The following PACRG variants were observed in gnomAD, a reference collection of about 807,000 sequenced individuals.
PACRG encodes the protein parkin coregulated gene protein.
In PACRG, 29 loss-of-function variants were observed where a neutral mutation model predicts 29.7. The ratio of observed to expected loss-of-function variants is 0.98; its 90% CI spans 0.73 to 1.33. The LOEUF is 1.33. Among genes scored for constraint, PACRG ranks in the 40% most tolerant of loss-of-function variants. PACRG has a pLI of 0.00. For synonymous variants in PACRG, 116 were observed against 118.7 expected (o/e 0.98, Z 0.15); for missense variants, 279 against 316.2 (o/e 0.88, Z 0.89).
intron 2 of PACRG, among the ~76,000 whole-genome samples, chr6:162,907,705 T>C (rs1796026376): frequency 6.6e-6 from 1 of 152,156 alleles, no homozygotes; most frequent in Admixed American, 6.5e-5. Context: ...ATTTTATATA[T>C]ATTATTTCTT....
Position 163,179,168 on chromosome 6 carries a change from G to A in PACRG, c.613+89760G>A, listed in dbSNP as rs1162608818. The A allele has an allele frequency of 3.1e-5, 14 of 455,774 alleles. No individual in the cohort carries two copies. The Admixed American group carries it at 3.3e-4, about 11-fold the overall frequency. The allele number at this position is 455,774 out of a possible 1,614,324, so 28.2% of individuals were successfully genotyped here. Reference sequence around the variant, plus strand: ...TTATAGTGGAAAGCTTTGTAGCTTGGCTCACACTGATGTCCGCTGCTCCTC... The same window carrying A: ...TTATAGTGGAAAGCTTTGTAGCTTGACTCACACTGATGTCCGCTGCTCCTC... On this transcript the variant is annotated intron_variant, in intron 4 of 4. Coordinates refer to ENST00000366888, the MANE Select transcript of PACRG (RefSeq NM_001080379.2).
chr6:162,947,613 T>TATATATATATATATATATAATC (rs1799288548), intron 2 of PACRG, among the ~76,000 whole-genome samples: 36 of 14,892 alleles, frequency 2.4e-3, no homozygotes, highest in Middle Eastern at 0.056. Flanking sequence ...TATATAATCA[T>TATATATATATATATATATAATC]ATATATATAT....
upstream of PACRG, chr6:162,727,781 CCCCGCG>C (rs1481331591): frequency 8.6e-7 from 1 of 1,160,248 alleles, no homozygotes; most frequent in East Asian, 2.6e-5. Context: ...GCCTCCCCGC[CCCCGCG>C]CCCGGCCCTA....
At chr6:163,197,927 T>A (rs1245718755) in intron 4 of PACRG, among the ~76,000 whole-genome samples, 5 of 152,194 alleles carry the variant, frequency 3.3e-5, no homozygotes, top group Admixed American at 3.3e-4. Flanking sequence ...AAACAAAAAG[T>A]ACAAAAATTG....
At chr6:163,302,949 G>A (rs1461141402) in intron 4 of PACRG, among the ~76,000 whole-genome samples, 1 of 152,174 alleles carries the variant, frequency 6.6e-6, no homozygotes, top group Non-Finnish European at 1.5e-5. Context: ...GCACTGGGAT[G>A]GCTATGCAAA....
chr6:163,276,179 A>G (rs1784019781), intron 4 of PACRG, among the ~76,000 whole-genome samples: 1 of 151,874 alleles, frequency 6.6e-6, no homozygotes, highest in Non-Finnish European at 1.5e-5. Context: ...GGCGAGCGCT[A>G]CCATGCCTGG....
At chr6:162,897,019 A>G (rs960861595) in intron 2 of PACRG, among the ~76,000 whole-genome samples, 1 of 152,258 alleles carries the variant, frequency 6.6e-6, no homozygotes, top group Non-Finnish European at 1.5e-5. Flanking sequence ...ATCAATGAAT[A>G]TAATCTGATC....
intron 2 of PACRG, among the ~76,000 whole-genome samples, chr6:163,003,943 T>G (rs971110895): frequency 5.9e-5 from 9 of 152,202 alleles, no homozygotes; most frequent in Non-Finnish European, 1.2e-4. Context: ...GATCGCACTA[T>G]GCATGCTCTT....
At chr6:163,261,351 C>T (rs533873420) in intron 4 of PACRG, among the ~76,000 whole-genome samples, 21 of 152,174 alleles carry the variant, frequency 1.4e-4, no homozygotes, top group African/African-American at 4.8e-4. Flanking sequence ...CCTATCAACC[C>T]GTCATCTAGG....
chr6:162,923,063 A>G (rs541060117), intron 2 of PACRG, among the ~76,000 whole-genome samples: 1 of 152,280 alleles, frequency 6.6e-6, no homozygotes, highest in South Asian at 2.1e-4. Context: ...TATTGATGAT[A>G]GACATTCTAA....
intron 2 of PACRG, among the ~76,000 whole-genome samples, chr6:162,831,604 G>A (rs1055090164): frequency 1.3e-5 from 2 of 152,102 alleles, no homozygotes; most frequent in East Asian, 3.9e-4. Flanking sequence ...CCAGCACCTA[G>A]GAATTCAGCC....
intron 3 of PACRG, among the ~76,000 whole-genome samples, chr6:163,081,815 A>G (rs1040053444): frequency 3.9e-5 from 6 of 152,218 alleles, no homozygotes; most frequent in African/African-American, 9.7e-5. Context: ...TTTACCCACT[A>G]AACAAAATAA....
chr6:162,768,946 G>C (rs969786286), intron 1 of PACRG, among the ~76,000 whole-genome samples: 12 of 152,140 alleles, frequency 7.9e-5, no homozygotes, highest in African/African-American at 2.4e-4. Flanking sequence ...AACACTTCCT[G>C]TTTGTATAGC....
chr6:162,741,393 A>C (rs576239344), intron 1 of PACRG, among the ~76,000 whole-genome samples: 1 of 152,242 alleles, frequency 6.6e-6, no homozygotes, highest in Admixed American at 6.5e-5. Context: ...GGGAAGTTCA[A>C]GGTCAAGGTG....
chr6:163,150,115 C>T (rs1024294439), intron 4 of PACRG, among the ~76,000 whole-genome samples: 11 of 152,344 alleles, frequency 7.2e-5, no homozygotes, highest in African/African-American at 2.4e-4. Flanking sequence ...TTCCTGACGC[C>T]GGAGTGGCCT....
At chr6:163,126,862 G>A (rs137920218) in intron 4 of PACRG, among the ~76,000 whole-genome samples, 137 of 152,340 alleles carry the variant, frequency 9.0e-4, no homozygotes, top group Admixed American at 2.8e-3. Flanking sequence ...GCTGGCAGGT[G>A]TTGACCCGAA....
intron 3 of PACRG, among the ~76,000 whole-genome samples, chr6:163,087,822 G>A (rs1428396335): frequency 1.3e-5 from 2 of 151,440 alleles, no homozygotes; most frequent in Non-Finnish European, 2.9e-5. Flanking sequence ...GAGGCCAGAG[G>A]AGAGGCAGTG....
At chr6:163,295,477 T>A (rs1784751997) in intron 4 of PACRG, among the ~76,000 whole-genome samples, 1 of 152,174 alleles carries the variant, frequency 6.6e-6, no homozygotes, top group South Asian at 2.1e-4. Context: ...CTTTGACAAT[T>A]TGCTTATCCG....
intron 2 of PACRG, among the ~76,000 whole-genome samples, chr6:162,947,595 C>CATATATATATATAATCATATATAT (rs1217060669): frequency 1.1e-3 from 30 of 27,988 alleles, no homozygotes; most frequent in African/African-American, 2.9e-3. Flanking sequence ...TATATATAAT[C>CATATATATATATAATCATATATAT]ATATATATAT....
Sources: allele counts gnomAD v4.1 joint callset (sites outside exome capture counted in the v4.1 genomes callset), GRCh38; gene constraint gnomAD v4.1.1; transcripts MANE v1.5; gene names NCBI Gene and HGNC (gene_info 2026-07-23, HGNC 2026-07-21).